The following ERICH6 variants were observed in gnomAD, a reference collection of about 807,000 sequenced individuals.
ERICH6 encodes glutamate-rich protein 6.
A neutral mutation model predicts 71.0 loss-of-function variants in ERICH6; 71 were observed. That is an observed-to-expected ratio of 1.00 (90% CI 0.83 to 1.22). ERICH6 has a LOEUF of 1.22. Ranked by LOEUF, ERICH6 falls within the 50% of genes most tolerant of loss-of-function variation. The probability of loss-of-function intolerance (pLI) is 0.00; values close to 1 mark genes in which losing one functional copy is unlikely to be tolerated. For missense variants in ERICH6, 808 were observed against 797.2 expected (o/e 1.01, Z -0.16); for synonymous variants, 262 against 278.4 (o/e 0.94, Z 0.59).
At chr3:150,675,085 A>G (rs940118682) in intron 10 of ERICH6, among the ~76,000 whole-genome samples, 1 of 152,238 alleles carries the variant, frequency 6.6e-6, no homozygotes, top group African/African-American at 2.4e-5. Flanking sequence ...GTGAGCCGAG[A>G]TCATGCTACT....
At chr3:150,683,533 G>A (rs1454127673) in intron 6 of ERICH6, among the ~76,000 whole-genome samples, 1 of 152,140 alleles carries the variant, frequency 6.6e-6, no homozygotes, top group Non-Finnish European at 1.5e-5. Flanking sequence ...GGAGGCCGAG[G>A]CAGGCCGATC....
chr3:150,673,501 T>C (rs1488277618), intron 11 of ERICH6, among the ~76,000 whole-genome samples: 1 of 151,672 alleles, frequency 6.6e-6, no homozygotes, highest in African/African-American at 2.4e-5. Context: ...TTTATAGTTT[T>C]GTTTTATCTT....
chr3:150,669,234 A>G, intron 12 of ERICH6, 62 bp downstream of exon 12: 1 of 1,511,192 alleles, frequency 6.6e-7, no homozygotes, highest in Non-Finnish European at 8.8e-7. Context: ...TTTAAAAAGA[A>G]AAAACAAAAT....
Position 150,666,823 on chromosome 3 carries a change from GC to G in ERICH6, c.1691del (p.Gly564AlafsTer12). On this transcript the variant is annotated frameshift_variant, in exon 13 of 14. Coordinates refer to ENST00000295910, the MANE Select transcript of ERICH6 (RefSeq NM_152394.5). LOFTEE classifies it low-confidence loss of function (END_TRUNC). ...TTCCAACACTGATTCTTGCCTGTTG[GC>G]CCATTGCTAGAAAAGTTATAGAAAT... ...DKISITFLAM[G>X]QQARISVGTK... The G allele has an allele frequency of 6.2e-7, 1 of 1,613,988 alleles. No homozygotes were observed. The highest frequency in any genetic ancestry group is 8.5e-7 in the Non-Finnish European group (1 of 1,179,994).
At chr3:150,690,467 T>C (rs1310847795) in intron 3 of ERICH6, among the ~76,000 whole-genome samples, 8 of 152,196 alleles carry the variant, frequency 5.3e-5, no homozygotes, top group Non-Finnish European at 1.2e-4. Context: ...CTAATATATC[T>C]ATGTATTTGC....
At chr3:150,683,364 C>T (rs965086180) in intron 6 of ERICH6, among the ~76,000 whole-genome samples, 10 of 152,170 alleles carry the variant, frequency 6.6e-5, no homozygotes, top group African/African-American at 2.4e-4. Context: ...TGGGCAATAC[C>T]AAGCCATTCA....
At chr3:150,671,802 T>C (rs573964845) in intron 11 of ERICH6, among the ~76,000 whole-genome samples, 85 of 152,270 alleles carry the variant, frequency 5.6e-4, no homozygotes, top group Non-Finnish European at 9.3e-4. Context: ...TAATTTTTTG[T>C]ATTTTGTTGT....
intron 3 of ERICH6, among the ~76,000 whole-genome samples, chr3:150,690,099 G>A (rs1351679198): frequency 6.6e-6 from 1 of 152,148 alleles, no homozygotes; most frequent in Non-Finnish European, 1.5e-5. Flanking sequence ...GGAAACCTAG[G>A]ATTCGGCATG....
Position 150,660,004 on chromosome 3 carries a change from T to G in ERICH6, c.1880A>C (p.Gln627Pro). The G allele has an allele frequency of 6.2e-7, 1 of 1,614,240 alleles. No homozygotes were observed. Among genetic ancestry groups the G allele is most frequent in the Non-Finnish European group, 8.5e-7 (1 of 1,180,044 alleles). The change falls in exon 14 of 14, where the codon CAA becomes CCA. Residue 627 changes from glutamine (Q) to proline (P), a missense_variant. By Grantham distance (76) the Gln-to-Pro change is moderately conservative. Coordinates refer to ENST00000295910, the MANE Select transcript of ERICH6 (RefSeq NM_152394.5). ...AGAAAGTGAAGAAAGGTAGGAAGGT[T>G]GCTTTAATTTTTCCCAAACCTGGCT... is the stretch of plus-strand genomic sequence containing the variant. ...PSSQVWEKLK[Q>P]PSYLSSLSLK...
intron 3 of ERICH6, among the ~76,000 whole-genome samples, chr3:150,695,009 G>A (rs1448629933): frequency 1.3e-5 from 2 of 152,100 alleles, no homozygotes; most frequent in Non-Finnish European, 2.9e-5. Context: ...AGCTTTCTGG[G>A]CCCTCTTTTA....
At chr3:150,660,803 A>G (rs1233893568) in intron 13 of ERICH6, among the ~76,000 whole-genome samples, 2 of 152,214 alleles carry the variant, frequency 1.3e-5, no homozygotes, top group Non-Finnish European at 2.9e-5. Flanking sequence ...AGGGGCATTT[A>G]GCCTCTCTGG....
rs115789330 is a variant in ERICH6, at chr3:150,673,552, T to C, written c.1343+404A>G. On this transcript the variant is annotated intron_variant, in intron 11 of 13. Transcript: ENST00000295910. ...TTAGTTAAAATTTCTATTTTTCAAT[T>C]ACACTGGATCTTTATCTTTTTCTGT... 4.0e-3 allele frequency among the ~76,000 whole-genome samples: 614 copies of C among 152,228 alleles called. 8 individuals carry two copies. Among genetic ancestry groups the C allele is most frequent in the African/African-American group, 0.014 (593 of 41,548 alleles).
chr3:150,684,447 T>C (rs1009579160), intron 6 of ERICH6, among the ~76,000 whole-genome samples: 9 of 152,230 alleles, frequency 5.9e-5, no homozygotes, highest in Admixed American at 1.3e-4. Flanking sequence ...CATCTCTACA[T>C]GTGCATCCAT....
chr3:150,682,707 T>C (rs1333649228), intron 6 of ERICH6, among the ~76,000 whole-genome samples: 1 of 152,216 alleles, frequency 6.6e-6, no homozygotes, highest in African/African-American at 2.4e-5. Flanking sequence ...TTTATACAAA[T>C]GATCTAAGTA....
chr3:150,669,516 A>G, intron 11 of ERICH6, 65 bp from the exon 12 acceptor site: 1 of 1,543,826 alleles, frequency 6.5e-7, no homozygotes. Flanking sequence ...AACAAATTCA[A>G]TTTATGAGAG....
chr3:150,678,993 G>A (rs1158280841), intron 9 of ERICH6, among the ~76,000 whole-genome samples: 1 of 135,204 alleles, frequency 7.4e-6, no homozygotes, highest in Non-Finnish European at 1.5e-5. Context: ...CCAAGATTGT[G>A]CCACTGCATT....
chr3:150,682,634 G>C (rs938082418), intron 6 of ERICH6, among the ~76,000 whole-genome samples: 3 of 152,162 alleles, frequency 2.0e-5, no homozygotes, highest in African/African-American at 7.2e-5. Context: ...AGAGTCCCTT[G>C]TTGGGGAGGG....
At chr3:150,682,383 A>G in intron 6 of ERICH6, 67 bp from the exon 7 acceptor site, 1 of 1,197,990 alleles carries the variant, frequency 8.3e-7, no homozygotes, top group East Asian at 2.3e-5. Flanking sequence ...TGAGAGCAGC[A>G]GGAGCACGAC....
intron 10 of ERICH6, among the ~76,000 whole-genome samples, chr3:150,677,103 C>T (rs1299727967): frequency 7.2e-5 from 11 of 152,124 alleles, no homozygotes; most frequent in Non-Finnish European, 8.8e-5. Context: ...TGAGCCAACA[C>T]ACCCAGCCAA....
Sources: allele counts gnomAD v4.1 joint callset (sites outside exome capture counted in the v4.1 genomes callset), GRCh38; gene constraint gnomAD v4.1.1; transcripts MANE v1.5; gene names NCBI Gene and HGNC (gene_info 2026-07-23, HGNC 2026-07-21).